Variants in SLC4A5 observed in about 807,000 individuals in gnomAD.
SLC4A5 encodes electrogenic sodium bicarbonate cotransporter 4.
Under a neutral mutation model 120.4 loss-of-function variants are expected in SLC4A5, and 96 were observed. The observed-to-expected ratio is 0.80, with a 90% CI of 0.68 to 0.94. The LOEUF (loss-of-function observed/expected upper bound fraction) is 0.94. Ranked by LOEUF, SLC4A5 falls within the 40% of genes least tolerant of loss-of-function variation. SLC4A5 has a pLI of 0.00. For missense variants in SLC4A5, 1,259 were observed against 1,459.5 expected (o/e 0.86, Z 2.24); for synonymous variants, 550 against 571.1 (o/e 0.96, Z 0.53).
chr2:74,252,340 C>T (rs763534690), exon 16 of SLC4A5: 3 of 1,613,790 alleles, frequency 1.9e-6, no homozygotes, highest in Non-Finnish European at 2.5e-6. Flanking sequence ...CGCCTCCTCC[C>T]ACAGAGCCAT....
At chr2:74,227,984 G>A in intron 25 of SLC4A5, 106 bp from the exon 26 acceptor site, 1 of 756,406 alleles carries the variant, frequency 1.3e-6, no homozygotes, top group Non-Finnish European at 2.1e-6. Flanking sequence ...TAGGAAACTG[G>A]ATATTTGGGG....
At chr2:74,295,489 C>T (rs573656671) in intron 7 of SLC4A5, among the ~76,000 whole-genome samples, 29 of 152,050 alleles carry the variant, frequency 1.9e-4, no homozygotes, top group African/African-American at 7.0e-4. Flanking sequence ...CAAAAATTAG[C>T]CAGGTGTGGT....
chr2:74,231,115 G>T, intron 25 of SLC4A5, 121 bp downstream of exon 25: 1 of 868,862 alleles, frequency 1.2e-6, no homozygotes, highest in Non-Finnish European at 1.8e-6. Flanking sequence ...CCAAGACTGT[G>T]CCTTTCTTAG....
In SLC4A5 at chr2:74,328,627, G is replaced by A. The variant is rs536718979; in HGVS notation, c.-69-441C>T. On this transcript the variant is annotated intron_variant, in intron 4 of 30. Coordinates refer to ENST00000394019, the Ensembl canonical transcript of SLC4A5. ...AATGAAAAATTGAGGCCCAGAGAGG[G>A]GCAGTGGCATTTCCAGGAACCTACA... Among the ~76,000 whole-genome samples the A allele has an allele frequency of 2.6e-5, 4 of 151,944 alleles. No individual in the cohort carries two copies. In the South Asian group the frequency reaches 8.3e-4, roughly 32 times the overall value.
chr2:74,229,989 A>C (rs540006602), intron 25 of SLC4A5, among the ~76,000 whole-genome samples: 15 of 150,600 alleles, frequency 1.0e-4, no homozygotes, highest in Non-Finnish European at 1.8e-4. Flanking sequence ...TCAAGTGATC[A>C]TGCCTCACAT....
chr2:74,313,016 CT>C (rs371111831), intron 6 of SLC4A5, among the ~76,000 whole-genome samples: 5,908 of 124,354 alleles, frequency 0.048, 351 homozygotes, highest in African/African-American at 0.14. Flanking sequence ...GGCACTTGTC[CT>C]TTTTTTTTTT....
chr2:74,264,260 C>T (rs994789662), exon 10 of SLC4A5: 15 of 1,614,070 alleles, frequency 9.3e-6, no homozygotes, highest in Middle Eastern at 3.3e-4. Context: ...GAGCTCTGGC[C>T]GCAGGAGACC....
intron 3 of SLC4A5, among the ~76,000 whole-genome samples, chr2:74,335,080 C>T (rs527748731): frequency 2.6e-5 from 4 of 152,226 alleles, no homozygotes; most frequent in South Asian, 4.1e-4. Context: ...GATTCAGGGA[C>T]GCCACAGATT....
At chr2:74,253,455 C>G (rs1469651150) in intron 14 of SLC4A5, among the ~76,000 whole-genome samples, 2 of 152,188 alleles carry the variant, frequency 1.3e-5, no homozygotes, top group Non-Finnish European at 2.9e-5. Context: ...GAGCCCAGTC[C>G]AAGGAGCTCA....
chr2:74,255,916 A>T lies in SLC4A5; in HGVS notation c.884T>A (p.Met295Lys), dbSNP rs1035572448. Residue 295 changes from methionine to lysine, a missense_variant, in exon 13 of 31, where the codon ATG (methionine) becomes AAG (lysine). Met to Lys is a moderately conservative substitution (Grantham distance 95). Transcript: ENST00000394019. This position sits in a 1 kb window ranked among gnomAD's most constrained non-coding sequence, Gnocchi z 4.0. ...TTCTGAGTCCTTGGGGATCTTCTTC[A>T]TGAATTTGTTTTTCCGCTGGACAGG... 6.8e-6 allele frequency: 11 copies of T among 1,613,774 alleles called. No homozygotes were observed. Among genetic ancestry groups the T allele is most frequent in the Non-Finnish European group, 9.3e-6 (11 of 1,179,692 alleles).
intron 22 of SLC4A5, 32 bp downstream of exon 22, chr2:74,235,069 C>G: frequency 3.9e-6 from 6 of 1,546,650 alleles, no homozygotes; most frequent in Non-Finnish European, 5.4e-6. Context: ...GGCAGGCAGA[C>G]TGGATGCCCA....
intron 7 of SLC4A5, among the ~76,000 whole-genome samples, chr2:74,301,477 T>C (rs1361963763): frequency 6.6e-6 from 1 of 152,224 alleles, no homozygotes; most frequent in Non-Finnish European, 1.5e-5. Flanking sequence ...TGCTGGGCTA[T>C]GCAGCCAGAC....
At chr2:74,236,736 T>C (rs924962285) in intron 21 of SLC4A5, among the ~76,000 whole-genome samples, 2 of 152,228 alleles carry the variant, frequency 1.3e-5, no homozygotes, top group Admixed American at 1.3e-4. Flanking sequence ...TTAAACCACA[T>C]GAACTTGACT....
chr2:74,252,167 TG>T lies in SLC4A5; in HGVS notation c.1478+11del. ...AGGACAGCAGGGTCACTGGGAGGCC[TG>T]GGGTGGGCACCTTCCTGTCCAGATA... On this transcript the variant is annotated intron_variant, in intron 16 of 30. Coordinates refer to ENST00000394019, the Ensembl canonical transcript of SLC4A5. 1 of 1,611,186 alleles carries T rather than the reference TG, an allele frequency of 6.2e-7. No homozygotes were observed.
At chr2:74,264,002 G>A in intron 10 of SLC4A5, 145 bp downstream of exon 10, 1 of 1,078,972 alleles carries the variant, frequency 9.3e-7, no homozygotes, top group Non-Finnish European at 1.3e-6. Context: ...GTCCCCACAG[G>A]CCTGCCAGAG....
intron 11 of SLC4A5, among the ~76,000 whole-genome samples, chr2:74,259,927 AG>A (rs1400657951): frequency 6.6e-6 from 1 of 152,154 alleles, no homozygotes; most frequent in Non-Finnish European, 1.5e-5. Flanking sequence ...GGATGTCACC[AG>A]GCTGTCTACT....
At chr2:74,253,983 C>T (rs2103998990) in intron 14 of SLC4A5, among the ~76,000 whole-genome samples, 1 of 152,292 alleles carries the variant, frequency 6.6e-6, no homozygotes, top group South Asian at 2.1e-4. Context: ...CCAAAGTCAA[C>T]ATATAAGAGC....
intron 5 of SLC4A5, chr2:74,319,458 T>C (rs1423412998): frequency 3.9e-5 from 6 of 152,308 alleles, no homozygotes; most frequent in African/African-American, 1.4e-4. Context: ...GCATGACCCC[T>C]GTACAAAGAT....
At chr2:74,220,533 T>C (rs561327242) in intron 30 of SLC4A5, among the ~76,000 whole-genome samples, 223 of 152,354 alleles carry the variant, frequency 1.5e-3, no homozygotes, top group Non-Finnish European at 2.4e-3. Flanking sequence ...TTTTCTTTTT[T>C]TGAGATGGAG....
Sources: allele counts gnomAD v4.1 joint callset (sites outside exome capture counted in the v4.1 genomes callset), GRCh38; gene constraint gnomAD v4.1.1; non-coding constraint Gnocchi (gnomAD v3.1); transcripts MANE v1.5; gene names NCBI Gene and HGNC (gene_info 2026-07-23, HGNC 2026-07-21).